The following NFKB2 variants were observed in gnomAD, a reference collection of about 807,000 sequenced individuals.
NFKB2 encodes nuclear factor kappa B subunit 2.
NFKB2 carries 21 observed loss-of-function variants against 109.3 expected under a neutral mutation model. The observed-to-expected ratio is 0.19, with a 90% CI of 0.14 to 0.28. NFKB2 has a LOEUF of 0.28. NFKB2 is among the 10% of genes least tolerant of loss of function. The probability of loss-of-function intolerance (pLI) is 1.00; values close to 1 mark genes in which losing one functional copy is unlikely to be tolerated. For missense variants in NFKB2, 806 were observed against 1,185.3 expected (o/e 0.68, Z 4.70); for synonymous variants, 478 against 489.9 (o/e 0.98, Z 0.32).
rs1175931759 is a variant in NFKB2 at position 102,396,246 on chromosome 10, A to G, written c.22-7A>G. On this transcript the variant is annotated splice_region_variant and splice_polypyrimidine_tract_variant and intron_variant, in intron 2 of 22. Coordinates refer to ENST00000661543, the MANE Select transcript of NFKB2 (RefSeq NM_001322934.2). The surrounding 1 kb of genome is among the most constrained non-coding windows in gnomAD (Gnocchi z 5.9). Reference sequence around the variant, plus strand: ...CGGATGCCACCCCCAGTCTGTCTCCAAACCAGGGTCTGGATGGTATTATTG... The same window carrying G: ...CGGATGCCACCCCCAGTCTGTCTCCGAACCAGGGTCTGGATGGTATTATTG... 6.2e-7 allele frequency: 1 copy of G among 1,601,786 alleles called. No individual in the cohort carries two copies. Among genetic ancestry groups the G allele is most frequent in the Admixed American group, 1.7e-5 (1 of 59,756 alleles).
rs371813362 is a variant in NFKB2, at chr10:102,396,843, G to C, written c.243+20G>C. 1.1e-4 allele frequency: 179 copies of C among 1,605,928 alleles called. No homozygotes were observed. Among genetic ancestry groups the C allele is most frequent in the Admixed American group, 6.7e-5 (4 of 59,868 alleles). Reference sequence around the variant, plus strand: ...GTCAAGGTGAGCCAGGATGGTGCTGGAGGGTGGGCTAAGTGGACAGCATGC... The same window carrying C: ...GTCAAGGTGAGCCAGGATGGTGCTGCAGGGTGGGCTAAGTGGACAGCATGC... On this transcript the variant is annotated intron_variant, in intron 5 of 22. Transcript: ENST00000661543. This position sits in a 1 kb window ranked among gnomAD's most constrained non-coding sequence, Gnocchi z 5.9.
chr10:102,394,497 G>A (rs1402380386), upstream of NFKB2: 2 of 152,690 alleles, frequency 1.3e-5, no homozygotes, highest in Admixed American at 6.5e-5. Flanking sequence ...GGGGGGCCGA[G>A]AAGGGGCTTT....
In NFKB2 at chr10:102,398,678, G is replaced by C. The variant is rs1565207507; in HGVS notation, c.992-61G>C. 6.2e-7 allele frequency: 1 copy of C among 1,611,860 alleles called. No individual in the cohort carries two copies. Among genetic ancestry groups the C allele is most frequent in the Non-Finnish European group, 8.5e-7 (1 of 1,179,888 alleles). ...GGAGCCGGCCCTGAGGGCTCTTCTGGGAAGGGCCCCTGAGGCATGACACAA... is the reference window on the plus strand; with the variant it reads ...GGAGCCGGCCCTGAGGGCTCTTCTGCGAAGGGCCCCTGAGGCATGACACAA... On this transcript the variant is annotated intron_variant, in intron 11 of 22. Coordinates refer to ENST00000661543, the MANE Select transcript of NFKB2 (RefSeq NM_001322934.2). The surrounding 1 kb of genome is among the most constrained non-coding windows in gnomAD (Gnocchi z 6.6).
At chr10:102,394,750 C>CCG (rs2061069498), upstream of NFKB2, 1 of 152,638 alleles carries the variant, frequency 6.6e-6, no homozygotes. Context: ...CACGTCGACA[C>CCG]CGTTGTACAA....
rs369049521 is a variant in NFKB2, at chr10:102,401,546, G to A, written c.2293+28G>A. ...GAGAAGCATCAGGCATCCCCAGCCC[G>A]ACTCCTCTGACTCCTCACAGAGGTC... On this transcript the variant is annotated intron_variant, in intron 20 of 22. Coordinates refer to ENST00000661543, the MANE Select transcript of NFKB2 (RefSeq NM_001322934.2). The surrounding 1 kb of genome is among the most constrained non-coding windows in gnomAD (Gnocchi z 4.2). 114 of 1,606,514 alleles carry A rather than the reference G, an allele frequency of 7.1e-5. No individual in the cohort carries two copies. Among genetic ancestry groups the A allele is most frequent in the Admixed American group, 5.8e-4 (35 of 59,908 alleles).
chr10:102,402,202 CGGAGGCCT>C (rs1565214777), intron 22 of NFKB2, 42 bp from the exon 23 acceptor site: 1 of 1,552,694 alleles, frequency 6.4e-7, no homozygotes, highest in African/African-American at 1.4e-5. Flanking sequence ...CCTGGAGGGC[CGGAGGCCT>C]GAGGCTTTGA....
In NFKB2 at chr10:102,398,611, G is replaced by A; in HGVS notation, c.991+88G>A. On this transcript the variant is annotated intron_variant, in intron 11 of 22. Coordinates refer to ENST00000661543, the MANE Select transcript of NFKB2 (RefSeq NM_001322934.2). This position sits in a 1 kb window ranked among gnomAD's most constrained non-coding sequence, Gnocchi z 6.6. ...CCAAGAGCTAGATGTGGGGATGCAT[G>A]AGCCAAGTCAGAAGTGCGAGGGTCC... 1 of 1,610,150 alleles carries A rather than the reference G, an allele frequency of 6.2e-7. No homozygotes were observed. Among genetic ancestry groups the A allele is most frequent in the Non-Finnish European group, 8.5e-7 (1 of 1,178,174 alleles).
Position 102,399,230 on chromosome 10 carries a change from A to T in NFKB2, c.1118-58A>T, listed in dbSNP as rs917283412. 26 of 1,495,502 alleles carry T rather than the reference A, an allele frequency of 1.7e-5. No homozygotes were observed. In the Admixed American group the frequency reaches 4.5e-4, roughly 26 times the overall value. The allele number at this position is 1,495,502 out of a possible 1,614,324, so 92.6% of individuals were successfully genotyped here. A position where few individuals can be genotyped will look rare whatever the true frequency, so the allele number is the denominator to read the frequency against. On this transcript the variant is annotated intron_variant, in intron 12 of 22. Coordinates refer to ENST00000661543, the MANE Select transcript of NFKB2 (RefSeq NM_001322934.2). ...AACTCCGTCTCAAAAAAAAAAAAAA[A>T]AAATCTGGGAGAGTCATGGCTGGTG...
At chr10:102,395,687 A>C, upstream of NFKB2, 5 of 491,800 alleles carry the variant, frequency 1.0e-5, no homozygotes, top group Non-Finnish European at 1.1e-5. Flanking sequence ...TATTTTCGGG[A>C]CTTTCCTAAG....
chr10:102,398,653 G>A lies in NFKB2; in HGVS notation c.992-86G>A. ...CGAGGGTCCCAGGAGGTGCTTCCTA[G>A]GAGCCGGCCCTGAGGGCTCTTCTGG... On this transcript the variant is annotated intron_variant, in intron 11 of 22. Transcript: ENST00000661543. This position sits in a 1 kb window ranked among gnomAD's most constrained non-coding sequence, Gnocchi z 6.6. 1 of 1,611,212 alleles carries A rather than the reference G, an allele frequency of 6.2e-7. No homozygotes were observed. Among genetic ancestry groups the A allele is most frequent in the South Asian group, 1.1e-5 (1 of 90,920 alleles).
rs2061097362 is a variant in NFKB2, at chr10:102,395,795, A to C, written c.-74A>C. The C allele has an allele frequency of 3.0e-6, 2 of 670,628 alleles. No homozygotes were observed. The highest frequency in any genetic ancestry group is 2.6e-6 in the Non-Finnish European group (1 of 391,452). The allele number at this position is 670,628 out of a possible 1,614,324, so 41.5% of individuals were successfully genotyped here. A position where few individuals can be genotyped will look rare whatever the true frequency, so the allele number is the denominator to read the frequency against. ...CCACACCCGGACAGGCGGCTGGAGG[A>C]GGTCGGACCCTCCCCCAAATCTGGG... is the stretch of plus-strand genomic sequence containing the variant. On this transcript the variant is annotated splice_region_variant and 5_prime_UTR_variant, in exon 1 of 23. Coordinates refer to ENST00000661543, the MANE Select transcript of NFKB2 (RefSeq NM_001322934.2).
chr10:102,395,989 T>A lies in NFKB2; in HGVS notation c.21+9T>A. On this transcript the variant is annotated intron_variant, in intron 2 of 22. Transcript: ENST00000661543. ...AGAGTTGCTACAACCCAGTGAGTCA[T>A]GCCGCCTGCCCCTGACCCGGCCGGC... 1 of 1,612,328 alleles carries A rather than the reference T, an allele frequency of 6.2e-7. No homozygotes were observed. Among genetic ancestry groups the A allele is most frequent in the South Asian group, 1.1e-5 (1 of 91,082 alleles).
In NFKB2 at chr10:102,402,280, G is replaced by C; in HGVS notation, c.2607G>C (p.Gly869=). The C allele has an allele frequency of 3.2e-6, 5 of 1,558,208 alleles. No homozygotes were observed. The highest frequency in any genetic ancestry group is 4.3e-6 in the Non-Finnish European group (5 of 1,150,666). Residue 869 remains glycine (G), a synonymous_variant, in exon 23 of 23, where the codon GGG becomes GGC. Transcript: ENST00000661543. ...AGGTGAAGGAAGACAGTGCGTACGG[G>C]AGCCAGTCAGTGGAGCAGGAGGCAG... is the stretch of plus-strand genomic sequence containing the variant. ...TAEVKEDSAY[G]SQSVEQEAEK... is the part of the protein sequence containing the mutation.
rs776641137 is a variant in NFKB2, at chr10:102,397,099, C to A, written c.395+44C>A. 3.8e-6 allele frequency: 6 copies of A among 1,592,398 alleles called. No individual in the cohort carries two copies. Among genetic ancestry groups the A allele is most frequent in the Non-Finnish European group, 5.2e-6 (6 of 1,164,756 alleles). On this transcript the variant is annotated intron_variant, in intron 6 of 22. Coordinates refer to ENST00000661543, the MANE Select transcript of NFKB2 (RefSeq NM_001322934.2). This position sits in a 1 kb window ranked among gnomAD's most constrained non-coding sequence, Gnocchi z 4.7. ...TGGCCCCCACTGGTATGCCCGTCTG[C>A]CAGTCCCAGGCCCCAGCCCACCTCC...
At position 102,398,282 on chromosome 10, in the gene NFKB2, A is replaced by T. The variant is rs1191097306; in HGVS notation, c.837A>T (p.Thr279=). The T allele has an allele frequency of 6.2e-7, 1 of 1,614,160 alleles. No homozygotes were observed. The highest frequency in any genetic ancestry group is 1.1e-5 in the South Asian group (1 of 91,078). Residue 279 remains threonine (T), a synonymous_variant, in exon 10 of 23, where the codon ACA becomes ACT. Coordinates refer to ENST00000661543, the MANE Select transcript of NFKB2 (RefSeq NM_001322934.2). The surrounding 1 kb of genome is among the most constrained non-coding windows in gnomAD (Gnocchi z 6.6). ...AGGCCTTTGGGGACTTCTCTCCCAC[A>T]GATGTGCATAAACAGGTACCCAGGG... ...GWQAFGDFSP[T]DVHKQYAIVF... is the part of the protein sequence containing the mutation.
Position 102,396,471 on chromosome 10 carries a change from C to A in NFKB2, c.126C>A (p.Ile42=), listed in dbSNP as rs976488499. The change falls in exon 4 of 23, where the codon ATC becomes ATA. Residue 42 remains isoleucine (I), a synonymous_variant. Transcript: ENST00000661543. The surrounding 1 kb of genome is among the most constrained non-coding windows in gnomAD (Gnocchi z 5.9). The part of the protein sequence containing the change: ...PETADGPYLV[I]VEQPKQRGFR... ...CAGCTGATGGCCCCTACCTGGTGAT[C>A]GTGGAACAGCCTAAGCAGGTGAGTG... is the stretch of plus-strand genomic sequence containing the variant. The A allele has an allele frequency of 6.2e-7, 1 of 1,613,888 alleles. No homozygotes were observed. Among genetic ancestry groups the A allele is most frequent in the Non-Finnish European group, 8.5e-7 (1 of 1,179,994 alleles).
At position 102,400,404 on chromosome 10, in the gene NFKB2, G is replaced by A; in HGVS notation, c.1711G>A (p.Gly571Ser). ...DSAMHLALRA[G>S]AGAPELLRAL... is the part of the protein sequence containing the mutation. Reference sequence around the variant, plus strand: ...AGCCATGCATCTGGCGCTGCGGGCAGGCGCTGGTGCTCCTGAGCTGCTGCG... The same window carrying A: ...AGCCATGCATCTGGCGCTGCGGGCAAGCGCTGGTGCTCCTGAGCTGCTGCG... Residue 571 changes from glycine to serine, a missense_variant, in exon 16 of 23, where the codon GGC becomes AGC. Gly to Ser is a moderately conservative substitution (Grantham distance 56). This residue lies in a region of NFKB2 where 163 missense variants were observed against 207.1 expected (regional missense o/e 0.79). Transcript: ENST00000661543. The surrounding 1 kb of genome is among the most constrained non-coding windows in gnomAD (Gnocchi z 6.3). 6.2e-7 allele frequency: 1 copy of A among 1,613,254 alleles called. No individual in the cohort carries two copies. The highest frequency in any genetic ancestry group is 8.5e-7 in the Non-Finnish European group (1 of 1,180,024).
rs1382518005 is a variant in NFKB2 at position 102,401,502 on chromosome 10, C to T, written c.2277C>T (p.Thr759=). Residue 759 remains threonine (T), a synonymous_variant, in exon 20 of 23, where the codon ACC becomes ACT. Transcript: ENST00000661543. This position sits in a 1 kb window ranked among gnomAD's most constrained non-coding sequence, Gnocchi z 4.2. ...AAQNTMEPPL[T]PPSPAGPGLS... ...AGAACACCATGGAGCCACCCCTGAC[C>T]CCGCCCAGCCCAGCAGGTGAGAAGC... 6 of 1,613,150 alleles carry T rather than the reference C, an allele frequency of 3.7e-6. 1 individual carries two copies. The highest frequency in any genetic ancestry group is 1.7e-4 in the Middle Eastern group (1 of 5,958).
rs376574696 is a variant in NFKB2, at chr10:102,396,231, C to A, written c.22-22C>A. ...GGGGGTGCTGAGAGTCGGATGCCAC[C>A]CCCAGTCTGTCTCCAAACCAGGGTC... On this transcript the variant is annotated intron_variant, in intron 2 of 22. Transcript: ENST00000661543. This position sits in a 1 kb window ranked among gnomAD's most constrained non-coding sequence, Gnocchi z 5.9. The A allele has an allele frequency of 1.3e-5, 21 of 1,595,902 alleles. No homozygotes were observed. Among genetic ancestry groups the A allele is most frequent in the Non-Finnish European group, 1.8e-5 (21 of 1,166,120 alleles).
Sources: gnomAD v4.1 joint callset for allele counts on GRCh38, gnomAD v4.1.1 for gene constraint, gnomAD v4.1.1 regional missense constraint, Gnocchi (gnomAD v3.1) non-coding constraint, MANE v1.5 for transcripts, NCBI Gene and HGNC (gene_info 2026-07-23, HGNC 2026-07-21) for gene names.